Variants in COLEC12 observed in about 807,000 individuals in gnomAD.
COLEC12 encodes collectin-12.
A neutral mutation model predicts 71.1 loss-of-function variants in COLEC12; 33 were observed. That is an observed-to-expected ratio of 0.46 (90% confidence interval 0.35 to 0.62). The LOEUF (loss-of-function observed/expected upper bound fraction) is 0.62, where lower values mean the gene tolerates loss of function less well. Ranked by LOEUF, COLEC12 falls within the 20% of genes least tolerant of loss-of-function variation. COLEC12 has a pLI of 0.00. For missense variants in COLEC12, 765 were observed against 916.1 expected, an observed-to-expected ratio of 0.84 and a Z score of 2.13; for synonymous variants, 350 against 353.0, an observed-to-expected ratio of 0.99 and a Z score of 0.10.
chr18:494,975 T>C (rs1386609841), intron 1 of COLEC12, among the ~76,000 whole-genome samples: 1 of 152,226 alleles, frequency 6.6e-6, no homozygotes, highest in Non-Finnish European at 1.5e-5. Flanking sequence ...TGCATTTCTT[T>C]TCTATTTTTA....
At chr18:490,388 C>A (rs1044880857) in intron 1 of COLEC12, among the ~76,000 whole-genome samples, 4 of 152,122 alleles carry the variant, frequency 2.6e-5, no homozygotes, top group Non-Finnish European at 4.4e-5. Flanking sequence ...TAGGCATTAG[C>A]AGGTAACTGA....
At chr18:418,015 G>A (rs9951609) in intron 2 of COLEC12, among the ~76,000 whole-genome samples, 32,228 of 152,116 alleles carry the variant, frequency 0.21, 3,697 homozygotes, top group Middle Eastern at 0.27. Context: ...GGCCCAAGAA[G>A]CCAGGGTGAG....
chr18:474,335 T>C (rs929107329), intron 2 of COLEC12, among the ~76,000 whole-genome samples: 1 of 152,246 alleles, frequency 6.6e-6, no homozygotes, highest in East Asian at 1.9e-4. Context: ...TGGCACATAA[T>C]AGATATCCAC....
At position 333,068 on chromosome 18, in the gene COLEC12, G is replaced by A. The variant is rs1177756630; in HGVS notation, c.1892C>T (p.Ala631Val). 6.2e-7 allele frequency: 1 copy of A among 1,612,322 alleles called. No homozygotes were observed. The highest frequency in any genetic ancestry group is 2.2e-5 in the East Asian group (1 of 44,854). Residue 631 changes from alanine to valine, a missense_variant, in exon 7 of 10, where the codon GCA becomes GTA. Physicochemically the swap from Ala to Val is moderately conservative, Grantham distance 64. Coordinates refer to ENST00000400256, the MANE Select transcript of COLEC12 (RefSeq NM_130386.3). ...AGACTTGTCTTCACAGAAAAGCTTT[G>A]CATCCTCAAAAATTTCTTTCTCAAC... ...FSVEKEIFED[A>V]KLFCEDKSSH...
At chr18:404,051 T>G (rs1915739033) in intron 2 of COLEC12, among the ~76,000 whole-genome samples, 1 of 152,224 alleles carries the variant, frequency 6.6e-6, no homozygotes, top group Non-Finnish European at 1.5e-5. Context: ...ATCAGAAAAT[T>G]AAGCATGAAA....
chr18:348,938 G>T (rs1480671444), intron 3 of COLEC12, among the ~76,000 whole-genome samples: 3 of 152,160 alleles, frequency 2.0e-5, no homozygotes, highest in Admixed American at 2.0e-4. Flanking sequence ...GTTGTGGGAG[G>T]GACTTGGTGG....
chr18:400,481 CTTCT>C (rs967563892), intron 2 of COLEC12, among the ~76,000 whole-genome samples: 2 of 152,152 alleles, frequency 1.3e-5, no homozygotes, highest in East Asian at 1.9e-4. Flanking sequence ...TGTTTCCTTT[CTTCT>C]TTATTAGGAA....
intron 2 of COLEC12, among the ~76,000 whole-genome samples, chr18:435,681 A>C: frequency 6.6e-6 from 1 of 152,222 alleles, no homozygotes; most frequent in East Asian, 1.9e-4. Context: ...CCAGAGGTGG[A>C]CAAAGCATTC....
chr18:396,087 C>T (rs1915565163), intron 2 of COLEC12, among the ~76,000 whole-genome samples: 1 of 152,156 alleles, frequency 6.6e-6, no homozygotes, highest in Non-Finnish European at 1.5e-5. Context: ...GGAGATGGCA[C>T]CCCTCAGCCT....
At chr18:376,191 A>G (rs879739) in intron 2 of COLEC12, among the ~76,000 whole-genome samples, 138,179 of 152,222 alleles carry the variant, frequency 0.91, 62,724 homozygotes, top group East Asian at 0.99. Context: ...GGTCCACCCC[A>G]GGGGGTGGGA....
intron 5 of COLEC12, among the ~76,000 whole-genome samples, chr18:340,371 C>A (rs1914223041): frequency 6.6e-6 from 1 of 152,140 alleles, no homozygotes; most frequent in African/African-American, 2.4e-5. Flanking sequence ...CCAAGCAGCC[C>A]GGGGTTTGTG....
Position 318,314 on chromosome 18 carries a change from T to TAGC in COLEC12, c.*1728_*1730dup, listed in dbSNP as rs1202524098. On this transcript the variant is annotated 3_prime_UTR_variant, in exon 10 of 10. Coordinates refer to ENST00000400256, the MANE Select transcript of COLEC12 (RefSeq NM_130386.3). The stretch of plus-strand genomic sequence containing the variant: ...CTTTTACCATTTTATTTGGGATAAG[T>TAGC]AGCAGCACTGCCTGGGAAGACCCTT... 6.6e-6 allele frequency: 1 copy of TAGC among 151,660 alleles called. No homozygotes were observed. Among genetic ancestry groups the TAGC allele is most frequent in the African/African-American group, 2.4e-5 (1 of 41,274 alleles). The allele number at this position is 151,660 out of a possible 1,614,324, so 9.4% of individuals were successfully genotyped here.
intron 2 of COLEC12, among the ~76,000 whole-genome samples, chr18:401,846 C>T (rs1567897104): frequency 6.6e-6 from 1 of 152,294 alleles, no homozygotes; most frequent in East Asian, 1.9e-4. Context: ...GCTGAACACA[C>T]TGGCCACGCT....
At chr18:409,338 C>T (rs766175776) in intron 2 of COLEC12, among the ~76,000 whole-genome samples, 23 of 152,056 alleles carry the variant, frequency 1.5e-4, no homozygotes, top group African/African-American at 3.6e-4. Flanking sequence ...GTCAGGAGTT[C>T]GAGACCAAAC....
At chr18:383,693 G>A (rs1915283195) in intron 2 of COLEC12, among the ~76,000 whole-genome samples, 1 of 152,128 alleles carries the variant, frequency 6.6e-6, no homozygotes, top group South Asian at 2.1e-4. Context: ...CACTCTACCT[G>A]GGTATCCATC....
chr18:441,266 T>TA (rs1916527251), intron 2 of COLEC12, among the ~76,000 whole-genome samples: 1 of 151,660 alleles, frequency 6.6e-6, no homozygotes, highest in Non-Finnish European at 1.5e-5. Flanking sequence ...AATAAATAAA[T>TA]AATAATAAAA....
chr18:419,497 G>A (rs1428251090), intron 2 of COLEC12, among the ~76,000 whole-genome samples: 1 of 152,120 alleles, frequency 6.6e-6, no homozygotes, highest in Non-Finnish European at 1.5e-5. Flanking sequence ...GAGCCACTGT[G>A]CCCAGCCCTG....
rs1032220402 is a variant in COLEC12, at chr18:318,507, T to C, written c.*1538A>G. ...GGAAAGGTTTTTTTTTTTTTTTTTT[T>C]TTTGAGATGGAGTCTTGCTCTGTCA... On this transcript the variant is annotated 3_prime_UTR_variant, in exon 10 of 10. Transcript: ENST00000400256. 9.5e-5 allele frequency: 14 copies of C among 148,142 alleles called. No individual in the cohort carries two copies. The highest frequency in any genetic ancestry group is 3.5e-4 in the African/African-American group (14 of 39,776). The allele number at this position is 148,142 out of a possible 1,614,324, so 9.2% of individuals were successfully genotyped here. A position where few individuals can be genotyped will look rare whatever the true frequency, so the allele number is the denominator to read the frequency against.
At chr18:437,257 C>A (rs2047434921) in intron 2 of COLEC12, among the ~76,000 whole-genome samples, 1 of 152,212 alleles carries the variant, frequency 6.6e-6, no homozygotes, top group Non-Finnish European at 1.5e-5. Flanking sequence ...GGCTATACAA[C>A]ATAAAGACCG....
Sources: gnomAD v4.1 joint callset for allele counts (sites outside exome capture counted in the v4.1 genomes callset) on GRCh38, gnomAD v4.1.1 for gene constraint, MANE v1.5 for transcripts, NCBI Gene and HGNC (gene_info 2026-07-23, HGNC 2026-07-21) for gene names.